DHRS12: variants seen among roughly 807,000 people sequenced by gnomAD.
DHRS12 encodes the protein dehydrogenase/reductase SDR family member 12.
A neutral mutation model predicts 32.1 loss-of-function variants in DHRS12; 29 were observed. That is an observed-to-expected ratio of 0.90 (90% CI 0.67 to 1.23). DHRS12 has a LOEUF of 1.23. Among genes scored for constraint, DHRS12 ranks in the 50% most tolerant of loss-of-function variants. The probability of loss-of-function intolerance (pLI) is 0.00; values close to 1 mark genes in which losing one functional copy is unlikely to be tolerated. For synonymous variants in DHRS12, 150 were observed against 135.9 expected (o/e 1.10, Z -0.72); for missense variants, 330 against 337.2 (o/e 0.98, Z 0.17).
the DHRS12 span, chr13:51,758,144 CAT>C: frequency 2.1e-6 from 3 of 1,450,894 alleles, no homozygotes; most frequent in East Asian, 4.6e-5. Context: ...CTCTCTCATT[CAT>C]ATGTCACCAC....
At chr13:51,789,524 G>A in intron 4 of DHRS12, 1 of 985,162 alleles carries the variant, frequency 1.0e-6, no homozygotes, top group African/African-American at 1.7e-5. Context: ...TGCTGGTCTG[G>A]GAACCCCACT....
intron 5 of DHRS12, chr13:51,775,937 T>TACAGTATTCTCCTACATGTAC (rs1954337771): frequency 7.4e-6 from 1 of 135,996 alleles, no homozygotes; most frequent in African/African-American, 3.0e-5. Flanking sequence ...CTACATGTAC[T>TACAGTATTCTCCTACATGTAC]CTACAGTATT....
At chr13:51,800,050 G>A (rs1365183961) in intron 1 of DHRS12, among the ~76,000 whole-genome samples, 1 of 151,974 alleles carries the variant, frequency 6.6e-6, no homozygotes, top group Non-Finnish European at 1.5e-5. Context: ...TGTGCTTATT[G>A]CATTGCAGGA....
At chr13:51,761,295 C>A in the DHRS12 span, 1 of 152,156 alleles carries the variant, frequency 6.6e-6, no homozygotes, top group East Asian at 1.9e-4. Flanking sequence ...ATGAAATATT[C>A]TTGTGTGTAG....
chr13:51,763,172 T>G (rs371995463), downstream of DHRS12: 1 of 152,214 alleles, frequency 6.6e-6, no homozygotes, highest in Non-Finnish European at 1.5e-5. Flanking sequence ...GTTCAAGGAA[T>G]AGCTGTTTTT....
chr13:51,776,982 G>A, intron 5 of DHRS12, 78 bp downstream of exon 5: 1 of 1,535,528 alleles, frequency 6.5e-7, no homozygotes, highest in Non-Finnish European at 9.0e-7. Flanking sequence ...GGGCAGTCAG[G>A]CAGCAAACCT....
intron 4 of DHRS12, among the ~76,000 whole-genome samples, chr13:51,788,637 G>T (rs563359423): frequency 6.6e-6 from 1 of 152,142 alleles, no homozygotes; most frequent in East Asian, 1.9e-4. Flanking sequence ...TAGAGGCCAA[G>T]AGTTTGAGAC....
chr13:51,795,438 T>C (rs1169270903), intron 2 of DHRS12, among the ~76,000 whole-genome samples: 1 of 152,236 alleles, frequency 6.6e-6, no homozygotes, highest in Non-Finnish European at 1.5e-5. Context: ...GCTACTTCTA[T>C]TGATTGAGAG....
intron 7 of DHRS12, chr13:51,771,594 C>T: frequency 6.5e-7 from 1 of 1,539,954 alleles, no homozygotes; most frequent in Non-Finnish European, 8.8e-7. Flanking sequence ...TTCCCACCAT[C>T]TCCTTCCCTG....
chr13:51,787,524 C>T (rs1363519988), intron 4 of DHRS12, among the ~76,000 whole-genome samples: 2 of 151,358 alleles, frequency 1.3e-5, no homozygotes, highest in South Asian at 2.1e-4. Flanking sequence ...TGGTAATGAG[C>T]GTGGGTCGTG....
chr13:51,792,112 C>G (rs907013712), intron 2 of DHRS12, among the ~76,000 whole-genome samples: 4 of 152,078 alleles, frequency 2.6e-5, no homozygotes, highest in Non-Finnish European at 4.4e-5. Context: ...TGGATAAGTA[C>G]CCAGAAGTGC....
At chr13:51,780,477 G>A (rs1449081892) in intron 4 of DHRS12, among the ~76,000 whole-genome samples, 1 of 152,186 alleles carries the variant, frequency 6.6e-6, no homozygotes, top group Non-Finnish European at 1.5e-5. Context: ...CCTGCTCCCA[G>A]TAACAAGGAA....
At chr13:51,781,086 C>T (rs1314075989) in intron 4 of DHRS12, among the ~76,000 whole-genome samples, 2 of 152,220 alleles carry the variant, frequency 1.3e-5, no homozygotes, top group African/African-American at 4.8e-5. Context: ...CACTGGTGAA[C>T]ACCATTTGGT....
chr13:51,787,843 AATAT>A (rs1566296430), intron 4 of DHRS12, among the ~76,000 whole-genome samples: 2 of 125,952 alleles, frequency 1.6e-5, no homozygotes, highest in African/African-American at 3.1e-5. Context: ...ATAAACATAT[AATAT>A]ATAATTATAT....
chr13:51,777,580 A>G (rs1188316575), intron 4 of DHRS12, among the ~76,000 whole-genome samples: 1 of 152,254 alleles, frequency 6.6e-6, no homozygotes, highest in Non-Finnish European at 1.5e-5. Context: ...CAATGAGCAT[A>G]TAACTTTATG....
chr13:51,755,392 A>G, the DHRS12 span: 8 of 1,614,242 alleles, frequency 5.0e-6, no homozygotes, highest in Non-Finnish European at 6.8e-6. Flanking sequence ...TCCTGCCAAA[A>G]GTGTGATCAG....
chr13:51,771,908 G>T lies in DHRS12; in HGVS notation c.472C>A (p.Gln158Lys). ...CACCGCTCCGTCAGAACCACTTGCT[G>T]CCTCTGGACAGGAAGGAGCGAGGGG... The part of the protein sequence containing the change: ...GTMVYAQNKR[Q>K]QVVLTERWAQ... The change falls in exon 7 of 9, where the codon CAG (glutamine) becomes AAG (lysine). Residue 158 changes from glutamine (Q) to lysine (K), a missense_variant. Coordinates refer to ENST00000444610, the MANE Select transcript of DHRS12 (RefSeq NM_001377533.1). 6.2e-7 allele frequency: 1 copy of T among 1,614,118 alleles called. No homozygotes were observed. The highest frequency in any genetic ancestry group is 8.5e-7 in the Non-Finnish European group (1 of 1,180,000).
chr13:51,793,408 TC>T (rs957216890), intron 2 of DHRS12, among the ~76,000 whole-genome samples: 3 of 152,156 alleles, frequency 2.0e-5, no homozygotes, highest in Non-Finnish European at 2.9e-5. Context: ...TGCCTGAGTT[TC>T]CCCATTAATC....
intron 1 of DHRS12, chr13:51,803,697 G>C (rs1955859211): frequency 1.6e-5 from 3 of 191,628 alleles, no homozygotes; most frequent in African/African-American, 7.0e-5. Context: ...GCCGCCAGCA[G>C]CACCACGAAG....
Sources: gnomAD v4.1 joint callset for allele counts (sites outside exome capture counted in the v4.1 genomes callset) on GRCh38, gnomAD v4.1.1 for gene constraint, MANE v1.5 for transcripts, NCBI Gene and HGNC (gene_info 2026-07-23, HGNC 2026-07-21) for gene names.